Variants in PTPN23 observed in about 807,000 individuals in gnomAD.
The protein encoded by PTPN23 is tyrosine-protein phosphatase non-receptor type 23.
A neutral mutation model predicts 156.3 loss-of-function variants in PTPN23; 72 were observed. The observed-to-expected ratio is 0.46, with a 90% CI of 0.38 to 0.56. The LOEUF (loss-of-function observed/expected upper bound fraction) is 0.56. PTPN23 is among the 20% of genes least tolerant of loss of function. The probability of loss-of-function intolerance (pLI) is 0.00; values close to 1 mark genes in which losing one functional copy is unlikely to be tolerated. For synonymous variants in PTPN23, 957 were observed against 899.6 expected (o/e 1.06, Z -1.14); for missense variants, 1,974 against 2,171.5 (o/e 0.91, Z 1.81).
At position 47,413,188 on chromosome 3, in the gene PTPN23, A is replaced by G; in HGVS notation, c.*3A>G. 2 of 1,605,790 alleles carry G rather than the reference A, an allele frequency of 1.2e-6. No individual in the cohort carries two copies. Among genetic ancestry groups the G allele is most frequent in the Admixed American group, 1.7e-5 (1 of 59,380 alleles). On this transcript the variant is annotated 3_prime_UTR_variant, in exon 25 of 25. Coordinates refer to ENST00000265562, the MANE Select transcript of PTPN23 (RefSeq NM_015466.4). ...TCTGGACACTCAACAAGACCTGAACAGGTTTTGCCTACCTGGTCCTTACAC... is the reference window on the plus strand; with the variant it reads ...TCTGGACACTCAACAAGACCTGAACGGGTTTTGCCTACCTGGTCCTTACAC...
intron 3 of PTPN23, 107 bp downstream of exon 3, chr3:47,404,886 C>T (rs1263661566): frequency 6.4e-7 from 1 of 1,574,556 alleles, no homozygotes; most frequent in Non-Finnish European, 8.7e-7. Flanking sequence ...GGGGAATGGC[C>T]TCATATGGTC....
chr3:47,389,764 C>CCG (rs891664822), intron 1 of PTPN23, among the ~76,000 whole-genome samples: 1 of 142,472 alleles, frequency 7.0e-6, no homozygotes, highest in Admixed American at 7.6e-5. Flanking sequence ...GGCGTGAACC[C>CCG]GGGGGGGTGG....
chr3:47,413,342 T>G lies in PTPN23; in HGVS notation c.*157T>G. ...AGCCTGCACCCCTGTGGGGTGGAAATGTACTGCAGGCTCTGGGTCAGGTTC... is the reference window on the plus strand; with the variant it reads ...AGCCTGCACCCCTGTGGGGTGGAAAGGTACTGCAGGCTCTGGGTCAGGTTC... On this transcript the variant is annotated 3_prime_UTR_variant, in exon 25 of 25. Coordinates refer to ENST00000265562, the MANE Select transcript of PTPN23 (RefSeq NM_015466.4). 2.9e-6 allele frequency: 3 copies of G among 1,018,452 alleles called. No homozygotes were observed. Among genetic ancestry groups the G allele is most frequent in the South Asian group, 3.4e-5 (2 of 59,578 alleles). The allele number at this position is 1,018,452 out of a possible 1,614,324, so 63.1% of individuals were successfully genotyped here.
At position 47,410,467 on chromosome 3, in the gene PTPN23, C is replaced by T; in HGVS notation, c.2669C>T (p.Pro890Leu). The change falls in exon 20 of 25, where the codon CCC becomes CTC. Residue 890 changes from proline (P) to leucine (L), a missense_variant. By Grantham distance (98) the Pro-to-Leu change is moderately conservative. Coordinates refer to ENST00000265562, the MANE Select transcript of PTPN23 (RefSeq NM_015466.4). ...ATTTVDSIQA[P>L]IPSHTAPRPN... is the part of the protein sequence containing the mutation. ...ACCACAGTAGATAGCATCCAGGCGC[C>T]CATCCCCAGCCACACAGCCCCACGG... The T allele has an allele frequency of 1.2e-6, 2 of 1,610,564 alleles. No individual in the cohort carries two copies. The highest frequency in any genetic ancestry group is 1.7e-6 in the Non-Finnish European group (2 of 1,178,850).
Position 47,412,098 on chromosome 3 carries a change from C to T in PTPN23, c.4078C>T (p.Leu1360=). ...TGGCCCCATCCTGTCCCACAGAGGC[C>T]TGCCCGACAGCCCCAGCAACTTGCT... The part of the protein sequence containing the change: ...LHFPTWPELG[L]PDSPSNLLRF... The change falls in exon 22 of 25, where the codon CTG becomes TTG. Residue 1360 remains leucine, a synonymous_variant. Coordinates refer to ENST00000265562, the MANE Select transcript of PTPN23 (RefSeq NM_015466.4). 1.9e-6 allele frequency: 3 copies of T among 1,613,062 alleles called. No homozygotes were observed. Among genetic ancestry groups the T allele is most frequent in the Non-Finnish European group, 2.5e-6 (3 of 1,180,006 alleles).
At chr3:47,402,939 T>C (rs2107710708) in intron 2 of PTPN23, among the ~76,000 whole-genome samples, 3 of 151,338 alleles carry the variant, frequency 2.0e-5, no homozygotes, top group Middle Eastern at 7.0e-3. Context: ...CTCCTGACCT[T>C]AGGTGATCCA....
chr3:47,409,516 G>T lies in PTPN23; in HGVS notation c.1897G>T (p.Ala633Ser). The T allele has an allele frequency of 6.2e-7, 1 of 1,614,068 alleles. No homozygotes were observed. The highest frequency in any genetic ancestry group is 8.5e-7 in the Non-Finnish European group (1 of 1,179,974). ...CCGTGTCCTCTGTGCACTGACAGAG[G>T]CCAACGTGCAGTACGCAGCCGTGCG... ...QDRVLCALTE[A>S]NVQYAAVRRV... The change falls in exon 18 of 25, where the codon GCC (alanine) becomes TCC (serine). Residue 633 changes from alanine (A) to serine (S), a missense_variant. This residue lies in a region of PTPN23 where 726 missense variants were observed against 929.5 expected (regional missense o/e 0.78). Coordinates refer to ENST00000265562, the MANE Select transcript of PTPN23 (RefSeq NM_015466.4).
chr3:47,406,348 G>A lies in PTPN23; in HGVS notation c.570G>A (p.Leu190=), dbSNP rs1348585200. 1 of 1,613,788 alleles carries A rather than the reference G, an allele frequency of 6.2e-7. No individual in the cohort carries two copies. The highest frequency in any genetic ancestry group is 1.7e-5 in the Admixed American group (1 of 60,030). The change falls in exon 7 of 25, where the codon CTG becomes CTA. Residue 190 remains leucine, a synonymous_variant. Transcript: ENST00000265562. This position sits in a 1 kb window ranked among gnomAD's most constrained non-coding sequence, Gnocchi z 5.8. The stretch of plus-strand genomic sequence containing the variant: ...AGGGCCAGGCTCAGGAGTGCCTCCT[G>A]GAGAAGTCGATGTTGGACAACAGGA... ...LMLGQAQECL[L]EKSMLDNRKS... is the part of the protein sequence containing the mutation.
In PTPN23 at chr3:47,410,193, C is replaced by T; in HGVS notation, c.2395C>T (p.Pro799Ser). The T allele has an allele frequency of 6.2e-7, 1 of 1,606,388 alleles. No individual in the cohort carries two copies. Among genetic ancestry groups the T allele is most frequent in the Non-Finnish European group, 8.5e-7 (1 of 1,175,872 alleles). ...CTTGCCCCCTGGTACCTACTCGGGC[C>T]CCACCCAGCTGATACAGCCCAGGGC... ...GPLPPGTYSG[P>S]TQLIQPRAPG... The change falls in exon 20 of 25, where the codon CCC becomes TCC. Residue 799 changes from proline to serine, a missense_variant. Physicochemically the swap from Pro to Ser is moderately conservative, Grantham distance 74 (BLOSUM62 -1). Around this residue, in one of 4 missense-constraint regions of PTPN23, gnomAD observed 731 missense variants for 669.1 expected, o/e 1.09. Coordinates refer to ENST00000265562, the MANE Select transcript of PTPN23 (RefSeq NM_015466.4).
In PTPN23 at chr3:47,409,933, T is replaced by TGAA. The variant is rs751441543; in HGVS notation, c.2143_2145dup (p.Lys715dup). 14 of 1,570,038 alleles carry TGAA rather than the reference T, an allele frequency of 8.9e-6. No homozygotes were observed. The highest frequency in any genetic ancestry group is 1.1e-5 in the Non-Finnish European group (13 of 1,159,576). On this transcript the variant is annotated inframe_insertion, in exon 20 of 25. Transcript: ENST00000265562. ...TTTCCTTGCCTGTCGCACAGGGAGC[T>TGAA]GAAGAAGAAGCCGCCGCCACGGCCC...
chr3:47,389,156 C>T (rs1432650136), intron 1 of PTPN23, among the ~76,000 whole-genome samples: 2 of 152,108 alleles, frequency 1.3e-5, no homozygotes, highest in Admixed American at 6.6e-5. Flanking sequence ...CAGAGTTTGT[C>T]GTTCTAATGC....
In PTPN23 at chr3:47,405,115, C is replaced by T; in HGVS notation, c.364+34C>T. On this transcript the variant is annotated intron_variant, in intron 4 of 24. Coordinates refer to ENST00000265562, the MANE Select transcript of PTPN23 (RefSeq NM_015466.4). The surrounding 1 kb of genome is among the most constrained non-coding windows in gnomAD (Gnocchi z 4.7). ...CCTGATCCCTTCCCCCGGCCCTACT[C>T]CCCAGTCCTGCCAGCCTAGCTTTCA... 1 of 1,596,468 alleles carries T rather than the reference C, an allele frequency of 6.3e-7. No individual in the cohort carries two copies. The highest frequency in any genetic ancestry group is 8.6e-7 in the Non-Finnish European group (1 of 1,164,124).
chr3:47,395,938 C>CA (rs1278565645), intron 1 of PTPN23, among the ~76,000 whole-genome samples: 1 of 151,004 alleles, frequency 6.6e-6, no homozygotes, highest in African/African-American at 2.4e-5. Context: ...GAGGACCTGC[C>CA]AGAGTGTTGG....
Position 47,412,733 on chromosome 3 carries a change from C to A in PTPN23, c.4459C>A (p.Leu1487Met). ...KNHLPQDSQD[L>M]VLGGDVPISS... ...CCACCTTCCTCAGGACTCCCAGGAC[C>A]TGGTCCTCGGTGGGGATGTGCCCAT... Residue 1487 changes from leucine (L) to methionine (M), a missense_variant, in exon 25 of 25, where the codon CTG (leucine) becomes ATG (methionine). By Grantham distance (15) the Leu-to-Met change is conservative. Coordinates refer to ENST00000265562, the MANE Select transcript of PTPN23 (RefSeq NM_015466.4). 6.2e-7 allele frequency: 1 copy of A among 1,602,360 alleles called. No homozygotes were observed. Among genetic ancestry groups the A allele is most frequent in the Non-Finnish European group, 8.5e-7 (1 of 1,172,134 alleles).
intron 1 of PTPN23, among the ~76,000 whole-genome samples, chr3:47,387,485 G>A (rs536959261): frequency 1.3e-5 from 2 of 151,698 alleles, no homozygotes; most frequent in African/African-American, 4.8e-5. Flanking sequence ...AGGCTGAGGT[G>A]GGGGGTATGG....
chr3:47,402,497 C>A (rs1705015977), intron 2 of PTPN23, among the ~76,000 whole-genome samples: 1 of 151,996 alleles, frequency 6.6e-6, no homozygotes, highest in South Asian at 2.1e-4. Context: ...CCAGGCTGGT[C>A]TCGAATTCCT....
chr3:47,392,351 T>C (rs774278418), intron 1 of PTPN23, among the ~76,000 whole-genome samples: 9 of 151,888 alleles, frequency 5.9e-5, no homozygotes, highest in Non-Finnish European at 1.0e-4. Flanking sequence ...CCTGGCTAAT[T>C]TTTAAATTTT....
rs771031977 is a variant in PTPN23, at chr3:47,412,992, C to G, written c.4718C>G (p.Pro1573Arg). Residue 1573 changes from proline to arginine, a missense_variant, in exon 25 of 25, where the codon CCC becomes CGC. Pro to Arg is a moderately radical substitution (Grantham distance 103, BLOSUM62 -2). This residue lies in a region of PTPN23 where 484 missense variants were observed against 516.0 expected (regional missense o/e 0.94). Transcript: ENST00000265562. The stretch of plus-strand genomic sequence containing the variant: ...CCTGAAGCCCCCAGCTCGGGGCCCC[C>G]CTCCTCCTCCCTGGAATTGCTGGCC... Reference protein sequence around the residue: ...PVPEAPSSGPPSSSLELLASL... With the variant: ...PVPEAPSSGPRSSSLELLASL... 6 of 1,611,896 alleles carry G rather than the reference C, an allele frequency of 3.7e-6. No homozygotes were observed. In the South Asian group the frequency reaches 5.5e-5, roughly 15 times the overall value.
Position 47,396,137 on chromosome 3 carries a change from C to T in PTPN23, c.85-6C>T, listed in dbSNP as rs1474466164. 1.2e-6 allele frequency: 2 copies of T among 1,610,710 alleles called. No individual in the cohort carries two copies. Among genetic ancestry groups the T allele is most frequent in the South Asian group, 1.1e-5 (1 of 90,848 alleles). ...GCCACTGGCTTATGTTCTTCTCTCTCTGTAGTTTGTCCTGAAGAATTATGG... is the reference window on the plus strand; with the variant it reads ...GCCACTGGCTTATGTTCTTCTCTCTTTGTAGTTTGTCCTGAAGAATTATGG... On this transcript the variant is annotated splice_polypyrimidine_tract_variant and splice_region_variant and intron_variant, in intron 1 of 24. Coordinates refer to ENST00000265562, the MANE Select transcript of PTPN23 (RefSeq NM_015466.4).
Sources: allele counts gnomAD v4.1 joint callset (sites outside exome capture counted in the v4.1 genomes callset), GRCh38; gene constraint gnomAD v4.1.1; regional missense constraint gnomAD v4.1.1; non-coding constraint Gnocchi (gnomAD v3.1); transcripts MANE v1.5; gene names NCBI Gene and HGNC (gene_info 2026-07-23, HGNC 2026-07-21).